The following SPEN variants were observed in gnomAD, a reference collection of about 807,000 sequenced individuals.
SPEN encodes the protein msx2-interacting protein.
SPEN carries 18 observed loss-of-function variants against 269.9 expected under a neutral mutation model. That is an observed-to-expected ratio of 0.07 (90% CI 0.05 to 0.10). The LOEUF (loss-of-function observed/expected upper bound fraction) is 0.10, where lower values mean the gene tolerates loss of function less well. Among genes scored for constraint, SPEN ranks in the 10% least tolerant of loss-of-function variants. The probability of loss-of-function intolerance (pLI) is 1.00; values close to 1 mark genes in which losing one functional copy is unlikely to be tolerated. For missense variants in SPEN, 3,822 were observed against 4,631.2 expected, an observed-to-expected ratio of 0.83 and a Z score of 5.07; for synonymous variants, 1,726 against 1,765.7, an observed-to-expected ratio of 0.98 and a Z score of 0.56.
At chr1:15,874,447 A>T in intron 2 of SPEN, 1 of 1,270,344 alleles carries the variant, frequency 7.9e-7, no homozygotes, top group Admixed American at 2.6e-5. Context: ...CCCAAGTCAA[A>T]CTCTCTTTTT....
At chr1:15,915,991 T>G in intron 5 of SPEN, 137 bp from the exon 6 acceptor site, 1 of 986,036 alleles carries the variant, frequency 1.0e-6, no homozygotes, top group Non-Finnish European at 1.4e-6. Flanking sequence ...AAGGTGTTTA[T>G]GATATTTCAG....
At chr1:15,938,561 A>G (rs2148745734) in intron 13 of SPEN, 157 bp from the exon 14 acceptor site, 2 of 611,278 alleles carry the variant, frequency 3.3e-6, no homozygotes, top group Non-Finnish European at 5.1e-6. Flanking sequence ...AGGTTGAAAA[A>G]AAGCTTTTTT....
chr1:15,888,696 G>C (rs900995726), intron 3 of SPEN, among the ~76,000 whole-genome samples: 2 of 149,654 alleles, frequency 1.3e-5, no homozygotes, highest in African/African-American at 4.9e-5. Context: ...ACAATGGCGC[G>C]ATCTCGGCTC....
At chr1:15,868,752 G>A (rs1354315989) in intron 1 of SPEN, among the ~76,000 whole-genome samples, 2 of 152,040 alleles carry the variant, frequency 1.3e-5, no homozygotes, top group African/African-American at 4.8e-5. Context: ...ACTATTAACT[G>A]TTTTAATTTG....
At chr1:15,890,137 T>G (rs1200868908) in intron 3 of SPEN, among the ~76,000 whole-genome samples, 1 of 152,202 alleles carries the variant, frequency 6.6e-6, no homozygotes, top group East Asian at 1.9e-4. Flanking sequence ...AGAATTTCAC[T>G]CATCCTCTAA....
rs750872909 is a variant in SPEN at position 15,930,013 on chromosome 1, C to G, written c.3773C>G (p.Thr1258Ser). The change falls in exon 11 of 15, where the codon ACT (threonine) becomes AGT (serine). Residue 1258 changes from threonine to serine, a missense_variant. By Grantham distance (58) the Thr-to-Ser change is moderately conservative (BLOSUM62 1). This residue lies in a region of SPEN where 267 missense variants were observed against 315.5 expected (regional missense o/e 0.85). Transcript: ENST00000375759. The surrounding 1 kb of genome is among the most constrained non-coding windows in gnomAD (Gnocchi z 5.3). ...SRQISEDSER[T>S]GGSPSVRHGS... ...CAAATCAGCGAAGATTCTGAAAGGA[C>G]TGGTGGTTCTCCCAGTGTCCGACAT... 1.9e-5 allele frequency: 30 copies of G among 1,614,034 alleles called. No homozygotes were observed. The Admixed American group carries it at 4.0e-4, about 22-fold the overall frequency.
intron 3 of SPEN, among the ~76,000 whole-genome samples, chr1:15,890,855 A>C (rs1054891728): frequency 4.6e-5 from 7 of 152,074 alleles, no homozygotes; most frequent in African/African-American, 1.7e-4. Flanking sequence ...ATAGAAGGAA[A>C]ATCATACCAT....
chr1:15,938,921 G>A (rs978730970), intron 14 of SPEN, 45 bp downstream of exon 14: 2 of 1,593,986 alleles, frequency 1.3e-6, no homozygotes, highest in Non-Finnish European at 1.7e-6. Context: ...CCCACAGGTG[G>A]GGCTGATCAG....
chr1:15,881,457 C>G (rs918497349), intron 3 of SPEN, among the ~76,000 whole-genome samples: 1 of 152,088 alleles, frequency 6.6e-6, no homozygotes, highest in African/African-American at 2.4e-5. Context: ...ATCAGATTAT[C>G]CTGATGTGTA....
At chr1:15,888,503 T>C (rs1391270099) in intron 3 of SPEN, among the ~76,000 whole-genome samples, 1 of 151,922 alleles carries the variant, frequency 6.6e-6, no homozygotes, top group Non-Finnish European at 1.5e-5. Flanking sequence ...TTTGTATTTT[T>C]AGTAGAGACA....
At chr1:15,850,362 A>C (rs1004137238) in intron 1 of SPEN, among the ~76,000 whole-genome samples, 2 of 151,864 alleles carry the variant, frequency 1.3e-5, no homozygotes, top group African/African-American at 4.8e-5. Context: ...TTTAAAACTA[A>C]GCAGATCATG....
chr1:15,937,239 C>T lies in SPEN; in HGVS notation c.10103C>T (p.Pro3368Leu), dbSNP rs755459974. The T allele has an allele frequency of 1.2e-6, 2 of 1,613,870 alleles. No homozygotes were observed. The highest frequency in any genetic ancestry group is 2.2e-5 in the South Asian group (2 of 91,070). Residue 3368 changes from proline (P) to leucine (L), a missense_variant, in exon 12 of 15, where the codon CCC becomes CTC. Pro to Leu is a moderately conservative substitution (Grantham distance 98). This residue lies in a region of SPEN where 359 missense variants were observed against 377.3 expected (regional missense o/e 0.95). Coordinates refer to ENST00000375759, the MANE Select transcript of SPEN (RefSeq NM_015001.3). This position sits in a 1 kb window ranked among gnomAD's most constrained non-coding sequence, Gnocchi z 5.7. ...QSTQPAQPAP[P>L]CPPSQLGQPG... is the part of the protein sequence containing the mutation. ...ACACAGCCTGCCCAGCCTGCACCACCCTGCCCGCCCTCCCAGCTCGGTCAG... is the reference window on the plus strand; with the variant it reads ...ACACAGCCTGCCCAGCCTGCACCACTCTGCCCGCCCTCCCAGCTCGGTCAG...
intron 3 of SPEN, among the ~76,000 whole-genome samples, chr1:15,881,330 T>C (rs1174271242): frequency 6.6e-6 from 1 of 152,202 alleles, no homozygotes; most frequent in African/African-American, 2.4e-5. Flanking sequence ...AGATAGCTTG[T>C]TGAGATCTCT....
chr1:15,919,031 C>G lies in SPEN; in HGVS notation c.1501C>G (p.Leu501Val). ...KAIKKMDGEY[L>V]GNNRLKLGFG... ...TATTAAGAAGATGGATGGGGAATAT[C>G]TTGGAAATAATCGCCTCAAGGTAAA... is the stretch of plus-strand genomic sequence containing the variant. Residue 501 changes from leucine to valine, a missense_variant, in exon 7 of 15, where the codon CTT (leucine) becomes GTT (valine). By Grantham distance (32) the Leu-to-Val change is conservative. Coordinates refer to ENST00000375759, the MANE Select transcript of SPEN (RefSeq NM_015001.3). 1 of 1,611,634 alleles carries G rather than the reference C, an allele frequency of 6.2e-7. No individual in the cohort carries two copies. The highest frequency in any genetic ancestry group is 8.5e-7 in the Non-Finnish European group (1 of 1,179,068).
intron 10 of SPEN, among the ~76,000 whole-genome samples, chr1:15,926,982 G>A (rs1355298961): frequency 3.9e-5 from 6 of 152,254 alleles, no homozygotes; most frequent in Non-Finnish European, 7.3e-5. Context: ...ATGAGCCACC[G>A]TGTCCGGCCA....
rs368611775 is a variant in SPEN at position 15,938,906 on chromosome 1, G to A, written c.10863+30G>A. ...GTTGTCCTGTGTCCTTCCTTCACAT[G>A]TACACCCACAGGTGGGGCTGATCAG... is the stretch of plus-strand genomic sequence containing the variant. On this transcript the variant is annotated intron_variant, in intron 14 of 14. Transcript: ENST00000375759. The A allele has an allele frequency of 6.8e-6, 11 of 1,606,096 alleles. No individual in the cohort carries two copies. The African/African-American group carries it at 8.0e-5, about 12-fold the overall frequency.
At chr1:15,866,574 C>T (rs752629437) in intron 1 of SPEN, among the ~76,000 whole-genome samples, 37 of 152,240 alleles carry the variant, frequency 2.4e-4, no homozygotes, top group Non-Finnish European at 4.6e-4. Context: ...AGGATAGTCT[C>T]GATCTACTGA....
In SPEN at chr1:15,931,307, T is replaced by C. The variant is rs770892762; in HGVS notation, c.5067T>C (p.Pro1689=). 2 of 1,614,176 alleles carry C rather than the reference T, an allele frequency of 1.2e-6. No individual in the cohort carries two copies. Among genetic ancestry groups the C allele is most frequent in the South Asian group, 2.2e-5 (2 of 91,082 alleles). ...VSEEAKPASE[P]APAPVEQLEQ... Reference sequence around the variant, plus strand: ...AAGAAGCAAAGCCTGCATCTGAACCTGCTCCTGCCCCTGTGGAACAGCTGG... The same window carrying C: ...AAGAAGCAAAGCCTGCATCTGAACCCGCTCCTGCCCCTGTGGAACAGCTGG... Residue 1689 remains proline, a synonymous_variant, in exon 11 of 15, where the codon CCT becomes CCC. Coordinates refer to ENST00000375759, the MANE Select transcript of SPEN (RefSeq NM_015001.3). The surrounding 1 kb of genome is among the most constrained non-coding windows in gnomAD (Gnocchi z 4.8).
At chr1:15,909,232 G>A in intron 3 of SPEN, 89 bp from the exon 4 acceptor site, 1 of 1,395,710 alleles carries the variant, frequency 7.2e-7, no homozygotes, top group South Asian at 1.4e-5. Context: ...TGAAAATTTA[G>A]ACCTATTAGT....
Sources: gnomAD v4.1 joint callset for allele counts (sites outside exome capture counted in the v4.1 genomes callset) on GRCh38, gnomAD v4.1.1 for gene constraint, gnomAD v4.1.1 regional missense constraint, Gnocchi (gnomAD v3.1) non-coding constraint, MANE v1.5 for transcripts, NCBI Gene and HGNC (gene_info 2026-07-23, HGNC 2026-07-21) for gene names.